Variants in GRAMD2A observed in about 807,000 individuals in gnomAD.
GRAMD2A encodes GRAM domain containing 2A.
A neutral mutation model predicts 51.1 loss-of-function variants in GRAMD2A; 37 were observed. The ratio of observed to expected loss-of-function variants is 0.72; its 90% CI spans 0.56 to 0.95. The LOEUF is 0.95. GRAMD2A is among the 40% of genes least tolerant of loss of function. The pLI is 0.00. For missense variants in GRAMD2A, 414 were observed against 426.9 expected, an observed-to-expected ratio of 0.97 and a Z score of 0.27; for synonymous variants, 136 against 157.1, an observed-to-expected ratio of 0.87 and a Z score of 1.01.
intron 5 of GRAMD2A, 56 bp downstream of exon 5, chr15:72,167,680 G>A: frequency 7.5e-7 from 1 of 1,334,222 alleles, no homozygotes; most frequent in Non-Finnish European, 1.1e-6. Flanking sequence ...ATGCCCGTGG[G>A]GCAGGAGGCT....
rs11296860 is a variant in GRAMD2A, at chr15:72,160,333, CA to C, written c.*1675del. ...ATGAAAGGGTGAAAGGGGCTGGTTCCAAAAAAAAAAAAAAAAAAAGGATGAC... is the reference window on the plus strand; with the variant it reads ...ATGAAAGGGTGAAAGGGGCTGGTTCCAAAAAAAAAAAAAAAAAAGGATGAC... On this transcript the variant is annotated 3_prime_UTR_variant, in exon 12 of 12. Coordinates refer to ENST00000309731, the MANE Select transcript of GRAMD2A (RefSeq NM_001012642.3). 98,877 of 109,122 alleles carry C rather than the reference CA, an allele frequency of 0.91. 44,920 individuals carry two copies. Among genetic ancestry groups the C allele is most frequent in the Non-Finnish European group, 0.97 (50,779 of 52,238 alleles). 6.8% of individuals were successfully genotyped at this position (109,122 alleles called of 1,614,324 possible).
chr15:72,181,510 G>T (rs1263796385), intron 1 of GRAMD2A, among the ~76,000 whole-genome samples: 1 of 152,252 alleles, frequency 6.6e-6, no homozygotes, highest in African/African-American at 2.4e-5. Context: ...TCAGGTGAAA[G>T]GCTGTAGCTC....
intron 7 of GRAMD2A, among the ~76,000 whole-genome samples, chr15:72,165,870 T>G (rs964089618): frequency 2.0e-5 from 3 of 152,030 alleles, no homozygotes; most frequent in Non-Finnish European, 2.9e-5. Flanking sequence ...TGTTTTTTGT[T>G]TTTTTTTGTT....
intron 1 of GRAMD2A, among the ~76,000 whole-genome samples, chr15:72,178,817 G>A (rs1226057925): frequency 2.6e-5 from 4 of 151,710 alleles, no homozygotes; most frequent in South Asian, 4.2e-4. Context: ...CTTGTGATCC[G>A]CCCGCCTCGG....
rs886298183 is a variant in GRAMD2A at position 72,166,210 on chromosome 15, T to G, written c.543+422A>C. On this transcript the variant is annotated intron_variant, in intron 7 of 11. Coordinates refer to ENST00000309731, the MANE Select transcript of GRAMD2A (RefSeq NM_001012642.3). The surrounding 1 kb of genome is among the most constrained non-coding windows in gnomAD (Gnocchi z 4.1). ...TTATATAAGATGTTCCACACTTTAT[T>G]ATAAAACAGGCTTTGCCTGAGATGC... Among the ~76,000 whole-genome samples, 1 of 152,250 alleles carries G rather than the reference T, an allele frequency of 6.6e-6. No homozygotes were observed. The highest frequency in any genetic ancestry group is 1.5e-5 in the Non-Finnish European group (1 of 68,046).
At chr15:72,194,645 G>A (rs2081792115) in intron 1 of GRAMD2A, among the ~76,000 whole-genome samples, 1 of 151,974 alleles carries the variant, frequency 6.6e-6, no homozygotes, top group South Asian at 2.1e-4. Flanking sequence ...GGAAGTAATG[G>A]AGATATCTGA....
rs1263990268 is a variant in GRAMD2A, at chr15:72,163,287, A to G, written c.935T>C (p.Leu312Pro). The G allele has an allele frequency of 6.2e-7, 1 of 1,613,850 alleles. No homozygotes were observed. Among genetic ancestry groups the G allele is most frequent in the South Asian group, 1.1e-5 (1 of 91,082 alleles). Residue 312 changes from leucine to proline, a missense_variant, in exon 10 of 12, where the codon CTC (leucine) becomes CCC (proline). By Grantham distance (98) the Leu-to-Pro change is moderately conservative. Transcript: ENST00000309731. ...TGELRLWDYR[L>P]LKVFFVLICF... ...TTACAGCACAAAGAAGACCTTGAGG[A>G]GCCGGTAATCCCAGAGCCTCAGCTC...
intron 1 of GRAMD2A, among the ~76,000 whole-genome samples, chr15:72,176,339 C>T (rs2140552632): frequency 6.6e-6 from 1 of 152,348 alleles, no homozygotes; most frequent in Non-Finnish European, 1.5e-5. Context: ...ACAGGCAGGG[C>T]CTTCCCCACA....
At chr15:72,163,137 A>C in intron 10 of GRAMD2A, 129 bp downstream of exon 10, 1 of 644,326 alleles carries the variant, frequency 1.6e-6, no homozygotes, top group East Asian at 2.7e-5. Context: ...GATACCACCC[A>C]AGAGCTTGAA....
At chr15:72,190,390 G>A (rs779369833) in intron 1 of GRAMD2A, among the ~76,000 whole-genome samples, 15 of 151,708 alleles carry the variant, frequency 9.9e-5, no homozygotes, top group Non-Finnish European at 1.9e-4. Context: ...AAAAAAAAAG[G>A]TTCTTCCCAA....
intron 2 of GRAMD2A, 69 bp downstream of exon 2, chr15:72,169,778 C>T: frequency 7.8e-7 from 1 of 1,288,026 alleles, no homozygotes; most frequent in Non-Finnish European, 1.1e-6. Flanking sequence ...CTCTTACAAA[C>T]AGGTCACTTC....
chr15:72,190,180 T>G (rs189695113), intron 1 of GRAMD2A, among the ~76,000 whole-genome samples: 236 of 152,088 alleles, frequency 1.6e-3, no homozygotes, highest in Non-Finnish European at 2.2e-3. Flanking sequence ...ATCGAGACCA[T>G]CCTGGCTAAC....
chr15:72,164,418 T>A (rs911457511), intron 8 of GRAMD2A, among the ~76,000 whole-genome samples: 11 of 151,536 alleles, frequency 7.3e-5, no homozygotes, highest in African/African-American at 1.2e-4. Context: ...TTTATTTTTT[T>A]TTTTTTTGAC....
At chr15:72,195,828 GAGAATC>G (rs1188366563) in intron 1 of GRAMD2A, among the ~76,000 whole-genome samples, 1 of 152,138 alleles carries the variant, frequency 6.6e-6, no homozygotes, top group African/African-American at 2.4e-5. Context: ...GCTGAGGCAG[GAGAATC>G]ACTTGAACCC....
chr15:72,176,314 C>T (rs1337283296), intron 1 of GRAMD2A, among the ~76,000 whole-genome samples: 1 of 152,212 alleles, frequency 6.6e-6, no homozygotes, highest in African/African-American at 2.4e-5. Flanking sequence ...AAATCTCAGC[C>T]GGGCCTGCGT....
chr15:72,197,484 G>A (rs1286467562), intron 1 of GRAMD2A, among the ~76,000 whole-genome samples: 1 of 152,156 alleles, frequency 6.6e-6, no homozygotes, highest in Admixed American at 6.5e-5. Context: ...TCATCCCCCA[G>A]GTCGCAGCAG....
At chr15:72,182,747 A>C (rs1383274146) in intron 1 of GRAMD2A, among the ~76,000 whole-genome samples, 1 of 152,232 alleles carries the variant, frequency 6.6e-6, no homozygotes, top group Non-Finnish European at 1.5e-5. Flanking sequence ...GAGTAGTTGA[A>C]TTCATAGAAA....
chr15:72,181,714 T>G (rs561111314), intron 1 of GRAMD2A, among the ~76,000 whole-genome samples: 38 of 152,228 alleles, frequency 2.5e-4, no homozygotes, highest in Admixed American at 7.2e-4. Context: ...TTGCTGAGAC[T>G]AAATGAGGTA....
At chr15:72,193,354 T>C (rs954305531) in intron 1 of GRAMD2A, among the ~76,000 whole-genome samples, 1 of 150,262 alleles carries the variant, frequency 6.7e-6, no homozygotes, top group Non-Finnish European at 1.5e-5. Flanking sequence ...GTAGCTGAAA[T>C]TACAGGTGCC....
Sources: gnomAD v4.1 joint callset for allele counts (sites outside exome capture counted in the v4.1 genomes callset) on GRCh38, gnomAD v4.1.1 for gene constraint, Gnocchi (gnomAD v3.1) non-coding constraint, MANE v1.5 for transcripts, NCBI Gene and HGNC (gene_info 2026-07-23, HGNC 2026-07-21) for gene names.